Variants in SLC16A1 observed in about 807,000 individuals in gnomAD.
The protein encoded by SLC16A1 is solute carrier family 16 member 1, also known as monocarboxylate transporter 1.
Under a neutral mutation model 32.2 loss-of-function variants are expected in SLC16A1, and 11 were observed. The observed-to-expected ratio is 0.34, with a 90% CI of 0.21 to 0.56. SLC16A1 has a LOEUF of 0.56. Ranked by LOEUF, SLC16A1 falls within the 20% of genes least tolerant of loss-of-function variation. The pLI, the probability that SLC16A1 is intolerant of heterozygous loss-of-function variation, is 0.87. For missense variants in SLC16A1, 435 were observed against 615.0 expected (o/e 0.71, Z 3.10); for synonymous variants, 231 against 226.8 (o/e 1.02, Z -0.17).
chr1:112,942,691 CTGAG>C (rs1347687904), intron 1 of SLC16A1, among the ~76,000 whole-genome samples: 2 of 152,186 alleles, frequency 1.3e-5, no homozygotes, highest in East Asian at 1.9e-4. Context: ...TACAATATGC[CTGAG>C]TAAGAATCAA....
At chr1:112,931,222 T>C (rs891272867) in intron 1 of SLC16A1, among the ~76,000 whole-genome samples, 2 of 152,178 alleles carry the variant, frequency 1.3e-5, no homozygotes, top group African/African-American at 4.8e-5. Context: ...TGGGGAATTA[T>C]CTCAGAAAAG....
At position 112,917,254 on chromosome 1, in the gene SLC16A1, G is replaced by C. The variant is rs980363220; in HGVS notation, c.1152C>G (p.Pro384=). 6.2e-7 allele frequency: 1 copy of C among 1,614,000 alleles called. No individual in the cohort carries two copies. Among genetic ancestry groups the C allele is most frequent in the Non-Finnish European group, 8.5e-7 (1 of 1,180,038 alleles). The part of the protein sequence containing the change: ...LFETLMDLVG[P]QRFSSAVGLV... ...ATCCCACAGCGCTGGAGAACCTCTG[G>C]GGTCCAACAAGGTCCATCAATGTTT... is the stretch of plus-strand genomic sequence containing the variant. The change falls in exon 4 of 5, where the codon CCC becomes CCG. Residue 384 remains proline, a synonymous_variant. Coordinates refer to ENST00000369626, the MANE Select transcript of SLC16A1 (RefSeq NM_003051.4). The surrounding 1 kb of genome is among the most constrained non-coding windows in gnomAD (Gnocchi z 4.1).
At chr1:112,922,425 C>A in intron 2 of SLC16A1, 1 of 417,606 alleles carries the variant, frequency 2.4e-6, no homozygotes, top group East Asian at 5.4e-5. Context: ...GCTGAAAACA[C>A]CTTGGTAATG....
chr1:112,953,819 G>A (rs1649985185), intron 1 of SLC16A1, among the ~76,000 whole-genome samples: 1 of 152,166 alleles, frequency 6.6e-6, no homozygotes, highest in Non-Finnish European at 1.5e-5. Context: ...TCCTCAGAGA[G>A]GTCTAGCCAA....
In SLC16A1 at chr1:112,917,782, A is replaced by G; in HGVS notation, c.624T>C (p.Asp208=). Residue 208 remains aspartate, a synonymous_variant, in exon 4 of 5, where the codon GAT becomes GAC. Transcript: ENST00000369626. This position sits in a 1 kb window ranked among gnomAD's most constrained non-coding sequence, Gnocchi z 4.1. ...IGPKPTKAGK[D]KSKASLEKAG... ...CTTTCTCAAGGGATGCTTTAGACTT[A>G]TCTTTCCCTGCCTTGGTTGGCTTGG... 6.2e-7 allele frequency: 1 copy of G among 1,614,202 alleles called. No individual in the cohort carries two copies. Among genetic ancestry groups the G allele is most frequent in the Non-Finnish European group, 8.5e-7 (1 of 1,180,042 alleles).
chr1:112,950,159 C>G (rs143016878), intron 1 of SLC16A1, among the ~76,000 whole-genome samples: 1 of 152,008 alleles, frequency 6.6e-6, no homozygotes, highest in Non-Finnish European at 1.5e-5. Flanking sequence ...ATATTTTTCC[C>G]CCAAACAAGT....
chr1:112,929,140 C>T lies in SLC16A1; in HGVS notation c.169G>A (p.Glu57Lys), dbSNP rs571088514. The T allele has an allele frequency of 9.3e-6, 15 of 1,613,950 alleles. 1 individual carries two copies. The highest frequency in any genetic ancestry group is 1.6e-4 in the Middle Eastern group (1 of 6,062). The part of the protein sequence containing the change: ...IEGIFHATTS[E>K]VSWISSIMLA... Reference sequence around the variant, plus strand: ...ATTATGGAGGATATCCATGACACTTCGCTGGTGGTGGCATGGAATATACCT... The same window carrying T: ...ATTATGGAGGATATCCATGACACTTTGCTGGTGGTGGCATGGAATATACCT... The change falls in exon 2 of 5, where the codon GAA (glutamate) becomes AAA (lysine). Residue 57 changes from glutamate to lysine, a missense_variant. Physicochemically the swap from Glu to Lys is moderately conservative, Grantham distance 56 (BLOSUM62 1). Coordinates refer to ENST00000369626, the MANE Select transcript of SLC16A1 (RefSeq NM_003051.4).
chr1:112,940,336 C>T (rs1036739873), intron 1 of SLC16A1, among the ~76,000 whole-genome samples: 7 of 151,980 alleles, frequency 4.6e-5, no homozygotes, highest in African/African-American at 1.2e-4. Flanking sequence ...AGTCACGGCC[C>T]GGCTGATAGT....
intron 1 of SLC16A1, among the ~76,000 whole-genome samples, 179 bp from the exon 2 acceptor site, chr1:112,929,531 A>C (rs1445912529): frequency 6.6e-6 from 1 of 152,066 alleles, no homozygotes; most frequent in Non-Finnish European, 1.5e-5. Context: ...CGGGCAACAC[A>C]GATCCTGTGT....
At chr1:112,939,665 C>T (rs759424420) in intron 1 of SLC16A1, among the ~76,000 whole-genome samples, 5 of 151,974 alleles carry the variant, frequency 3.3e-5, no homozygotes, top group East Asian at 1.9e-4. Flanking sequence ...GCCACCATGC[C>T]GGCCTAATTT....
chr1:112,949,115 C>T (rs1297966233), intron 1 of SLC16A1, among the ~76,000 whole-genome samples: 3 of 152,074 alleles, frequency 2.0e-5, no homozygotes, highest in African/African-American at 7.2e-5. Context: ...CTCGCACTCC[C>T]AAAGTGCTGG....
chr1:112,946,914 T>A (rs963389103), intron 1 of SLC16A1, among the ~76,000 whole-genome samples: 2 of 152,112 alleles, frequency 1.3e-5, no homozygotes, highest in Non-Finnish European at 2.9e-5. Context: ...CACCAGCAAA[T>A]TTTGCCTTTT....
Sources: gnomAD v4.1 joint callset for allele counts (sites outside exome capture counted in the v4.1 genomes callset) on GRCh38, gnomAD v4.1.1 for gene constraint, Gnocchi (gnomAD v3.1) non-coding constraint, MANE v1.5 for transcripts, NCBI Gene and HGNC (gene_info 2026-07-23, HGNC 2026-07-21) for gene names.